Variants in DST observed in about 807,000 individuals in gnomAD.
The protein encoded by DST is bullous pemphigoid antigen.
Under a neutral mutation model 875.2 loss-of-function variants are expected in DST, and 253 were observed. That is an observed-to-expected ratio of 0.29 (90% CI 0.26 to 0.32). The LOEUF (loss-of-function observed/expected upper bound fraction) is 0.32, where lower values mean the gene tolerates loss of function less well. Ranked by LOEUF, DST falls within the 10% of genes least tolerant of loss-of-function variation. The pLI is 1.00. For synonymous variants in DST, 3,124 were observed against 3,197.1 expected (o/e 0.98, Z 0.77); for missense variants, 8,287 against 9,111.6 (o/e 0.91, Z 3.68).
chr6:56,735,952 G>A (rs2099521815), intron 4 of DST, among the ~76,000 whole-genome samples: 1 of 152,110 alleles, frequency 6.6e-6, no homozygotes, highest in African/African-American at 2.4e-5. Flanking sequence ...TCTGCCTCCT[G>A]GGCTCAAGCA....
intron 2 of DST, among the ~76,000 whole-genome samples, chr6:56,924,432 A>G (rs1234496283): frequency 6.6e-6 from 1 of 152,096 alleles, no homozygotes; most frequent in Non-Finnish European, 1.5e-5. Flanking sequence ...ATTTTTTAAT[A>G]TTTATATTTG....
intron 10 of DST, among the ~76,000 whole-genome samples, chr6:56,666,117 T>C (rs562371529): frequency 4.6e-5 from 7 of 152,156 alleles, no homozygotes; most frequent in Non-Finnish European, 1.0e-4. Context: ...AATTAGAAAA[T>C]TATATTTTCT....
intron 3 of DST, among the ~76,000 whole-genome samples, chr6:56,867,657 T>TA (rs773743740): frequency 6.6e-6 from 1 of 152,106 alleles, no homozygotes; most frequent in South Asian, 2.1e-4. Context: ...CCGTCTCTAC[T>TA]AAAAATACAA....
chr6:56,947,108 A>G (rs994133408), intron 2 of DST, among the ~76,000 whole-genome samples: 1 of 152,126 alleles, frequency 6.6e-6, no homozygotes, highest in African/African-American at 2.4e-5. Flanking sequence ...GTCACCAGAA[A>G]GGCCCCCAAC....
rs1320548136 is a variant in DST, at chr6:56,897,968, A to G, written c.417+2453T>C. Among the ~76,000 whole-genome samples, 3 of 152,044 alleles carry G rather than the reference A, an allele frequency of 2.0e-5. No individual in the cohort carries two copies. The East Asian group carries it at 5.8e-4, about 29-fold the overall frequency. ...ACCAATGCCCTCTGCTGCCCCTTAG[A>G]CCAGGAGTTGAAGGTAAGTAGGCTC... is the stretch of plus-strand genomic sequence containing the variant. On this transcript the variant is annotated intron_variant, in intron 3 of 103. Coordinates refer to ENST00000680361, the MANE Select transcript of DST (RefSeq NM_001374736.1).
At chr6:56,891,454 C>T (rs1787378755) in intron 3 of DST, among the ~76,000 whole-genome samples, 1 of 151,682 alleles carries the variant, frequency 6.6e-6, no homozygotes, top group Admixed American at 6.6e-5. Context: ...GTAGTCCCAG[C>T]TACCCAGAAG....
chr6:56,582,799 T>C (rs1339825027), intron 49 of DST, among the ~76,000 whole-genome samples: 1 of 151,960 alleles, frequency 6.6e-6, no homozygotes, highest in Non-Finnish European at 1.5e-5. Context: ...CCTGTGTCCA[T>C]GTGTTCTCAT....
chr6:56,465,303 G>A (rs948281010), intron 99 of DST, among the ~76,000 whole-genome samples: 3 of 152,030 alleles, frequency 2.0e-5, no homozygotes, highest in Non-Finnish European at 4.4e-5. Context: ...AACATTTGTT[G>A]TTTGCTAAAA....
intron 3 of DST, among the ~76,000 whole-genome samples, chr6:56,866,926 A>G (rs1562228552): frequency 6.6e-6 from 1 of 152,220 alleles, no homozygotes; most frequent in Non-Finnish European, 1.5e-5. Context: ...TGCAATAAAT[A>G]TTAGTTTTTT....
At chr6:56,674,009 A>C (rs569505383) in intron 9 of DST, among the ~76,000 whole-genome samples, 2 of 152,356 alleles carry the variant, frequency 1.3e-5, no homozygotes, top group East Asian at 1.9e-4. Flanking sequence ...ATAAAAAATA[A>C]GTTAAATGCT....
intron 4 of DST, among the ~76,000 whole-genome samples, chr6:56,832,391 C>A (rs1275394449): frequency 3.3e-5 from 5 of 152,104 alleles, no homozygotes; most frequent in Non-Finnish European, 7.4e-5. Flanking sequence ...AACAGGAGTT[C>A]CCCTGCACAA....
At chr6:56,594,256 C>A in intron 47 of DST, 63 bp from the exon 48 acceptor site, 1 of 1,360,146 alleles carries the variant, frequency 7.4e-7, no homozygotes, top group Non-Finnish European at 9.8e-7. Context: ...GCAGGGAGCT[C>A]CTTGCCGCCT....
At chr6:56,783,879 T>A (rs563892217) in intron 4 of DST, among the ~76,000 whole-genome samples, 52 of 152,340 alleles carry the variant, frequency 3.4e-4, no homozygotes, top group African/African-American at 1.2e-3. Flanking sequence ...TGCCTTTCCA[T>A]GTTTAGTGCT....
rs1031762218 is a variant in DST, at chr6:56,942,804, C to A, written c.216+10981G>T. 2.7e-5 allele frequency among the ~76,000 whole-genome samples: 4 copies of A among 149,304 alleles called. No individual in the cohort carries two copies. In the South Asian group the frequency reaches 6.4e-4, roughly 24 times the overall value. On this transcript the variant is annotated intron_variant, in intron 2 of 103. Coordinates refer to ENST00000680361, the MANE Select transcript of DST (RefSeq NM_001374736.1). The stretch of plus-strand genomic sequence containing the variant: ...GATCACGGCTCACTGTAGCTTCGAA[C>A]TCCTGGGCTTAAAAGCAGTCAGCCG...
intron 4 of DST, among the ~76,000 whole-genome samples, chr6:56,801,140 GCCACATTT>G (rs373288429): frequency 0.16 from 24,705 of 150,316 alleles, 2,218 homozygotes; most frequent in Non-Finnish European, 0.19. Flanking sequence ...TTTAACCTTT[GCCACATTT>G]TTTAAAACAT....
At chr6:56,546,099 C>G (rs2097215741) in intron 61 of DST, among the ~76,000 whole-genome samples, 1 of 151,668 alleles carries the variant, frequency 6.6e-6, no homozygotes, top group Non-Finnish European at 1.5e-5. Flanking sequence ...ATATTCTCAT[C>G]CTAAAGCCCT....
At chr6:56,693,300 T>A (rs766257804) in intron 9 of DST, 29 of 1,173,464 alleles carry the variant, frequency 2.5e-5, no homozygotes, top group Non-Finnish European at 3.0e-5. Context: ...GCCATTTTGC[T>A]TATGAGAAAG....
At position 56,954,299 on chromosome 6, in the gene DST, T is replaced by A. The variant is rs915711112; in HGVS notation, c.181+108A>T. The A allele has an allele frequency of 1.3e-5, 11 of 817,982 alleles. No homozygotes were observed. In the African/African-American group the frequency reaches 1.5e-4, roughly 11 times the overall value. 50.7% of individuals were successfully genotyped at this position (817,982 alleles called of 1,614,324 possible). A position where few individuals can be genotyped will look rare whatever the true frequency, so the allele number is the denominator to read the frequency against. The stretch of plus-strand genomic sequence containing the variant: ...CGCACTCAGCCTGGGGAGTGGGCAA[T>A]GATGGGGCTAGGGGCAGCCGAGGAG... On this transcript the variant is annotated intron_variant, in intron 1 of 103. Transcript: ENST00000680361.
At chr6:56,694,799 T>C (rs564040925) in intron 9 of DST, among the ~76,000 whole-genome samples, 1 of 152,094 alleles carries the variant, frequency 6.6e-6, no homozygotes, top group African/African-American at 2.4e-5. Context: ...CTTTCGGCCA[T>C]CCCCACAGTA....
Sources: gnomAD v4.1 joint callset for allele counts (sites outside exome capture counted in the v4.1 genomes callset) on GRCh38, gnomAD v4.1.1 for gene constraint, MANE v1.5 for transcripts, NCBI Gene and HGNC (gene_info 2026-07-23, HGNC 2026-07-21) for gene names.